The following HDAC4 variants were observed in gnomAD, a reference collection of about 807,000 sequenced individuals.
HDAC4 encodes histone deacetylase A.
In HDAC4, 16 loss-of-function variants were observed where a neutral mutation model predicts 135.1. That is an observed-to-expected ratio of 0.12 (90% CI 0.08 to 0.18). The LOEUF (loss-of-function observed/expected upper bound fraction) is 0.18. Among genes scored for constraint, HDAC4 ranks in the 10% least tolerant of loss-of-function variants. HDAC4 has a pLI of 1.00. For synonymous variants in HDAC4, 685 were observed against 653.4 expected (o/e 1.05, Z -0.74); for missense variants, 1,143 against 1,511.8 (o/e 0.76, Z 4.05).
chr2:239,064,129 C>T (rs900519644), intron 24 of HDAC4, among the ~76,000 whole-genome samples: 28 of 152,360 alleles, frequency 1.8e-4, no homozygotes, highest in Non-Finnish European at 3.7e-4. Context: ...TGACGCGCAC[C>T]GCCCTGGCTT....
chr2:239,347,725 G>A (rs1454526965), intron 2 of HDAC4, among the ~76,000 whole-genome samples: 1 of 152,144 alleles, frequency 6.6e-6, no homozygotes, highest in Non-Finnish European at 1.5e-5. Context: ...ATGCTGACCA[G>A]GCTGATCGCG....
At chr2:239,398,560 G>A (rs1023049498) in intron 1 of HDAC4, among the ~76,000 whole-genome samples, 2 of 152,230 alleles carry the variant, frequency 1.3e-5, no homozygotes, top group South Asian at 2.1e-4. Context: ...TCTTCTCAAC[G>A]AGGTCTCTGG....
intron 24 of HDAC4, among the ~76,000 whole-genome samples, chr2:239,064,446 A>G (rs887001113): frequency 1.3e-5 from 2 of 152,044 alleles, no homozygotes; most frequent in Admixed American, 1.3e-4. Context: ...CTGCAGTCCC[A>G]GGTCCCACCT....
chr2:239,365,837 C>A (rs1267015035), intron 1 of HDAC4, among the ~76,000 whole-genome samples: 1 of 141,412 alleles, frequency 7.1e-6, no homozygotes, highest in South Asian at 2.4e-4. Flanking sequence ...CACGCAGACA[C>A]GCATGCACAG....
rs186151714 is a variant in HDAC4, at chr2:239,146,125, C to T, written c.734-1411G>A. Among the ~76,000 whole-genome samples, 291 of 152,310 alleles carry T rather than the reference C, an allele frequency of 1.9e-3. 3 individuals carry two copies. Among genetic ancestry groups the T allele is most frequent in the Middle Eastern group, 0.01 (3 of 294 alleles). On this transcript the variant is annotated intron_variant, in intron 7 of 26. Transcript: ENST00000543185. This position sits in a 1 kb window ranked among gnomAD's most constrained non-coding sequence, Gnocchi z 4.5. ...AGCCGGCCTCTCCACGGGCTACTGACGAGGGCACACTTCTGTGCCTAACAC... is the reference window on the plus strand; with the variant it reads ...AGCCGGCCTCTCCACGGGCTACTGATGAGGGCACACTTCTGTGCCTAACAC...
chr2:239,158,938 A>G (rs969731241), intron 6 of HDAC4, among the ~76,000 whole-genome samples: 3 of 151,788 alleles, frequency 2.0e-5, no homozygotes, highest in Admixed American at 6.6e-5. Flanking sequence ...ACATCACACA[A>G]CTGGTAACAC....
intron 2 of HDAC4, among the ~76,000 whole-genome samples, chr2:239,337,928 G>A (rs1031294298): frequency 1.3e-5 from 2 of 152,074 alleles, no homozygotes; most frequent in Non-Finnish European, 2.9e-5. Context: ...CTATCTCTTC[G>A]GGGGCAGAAA....
intron 2 of HDAC4, among the ~76,000 whole-genome samples, chr2:239,269,302 C>T (rs1445054833): frequency 6.6e-6 from 1 of 151,864 alleles, no homozygotes; most frequent in African/African-American, 2.4e-5. Flanking sequence ...CACCCACACA[C>T]ATTCACACAC....
At position 239,372,406 on chromosome 2, in the gene HDAC4, C is replaced by T. The variant is rs191349687; in HGVS notation, c.-219-19488G>A. ...TTACCACAAGAGTAACACCACCACA[C>T]AAAGACACACACAGGTGATCTCTGT... On this transcript the variant is annotated intron_variant, in intron 1 of 26. Transcript: ENST00000543185. Among the ~76,000 whole-genome samples the T allele has an allele frequency of 3.3e-5, 5 of 152,392 alleles. No homozygotes were observed. In the East Asian group the frequency reaches 7.7e-4, roughly 24 times the overall value.
At chr2:239,266,342 G>T (rs1166671559) in intron 2 of HDAC4, among the ~76,000 whole-genome samples, 1 of 152,172 alleles carries the variant, frequency 6.6e-6, no homozygotes, top group African/African-American at 2.4e-5. Context: ...TCAATGCCCT[G>T]CACTGCAAGC....
chr2:239,085,072 A>ACACACT (rs745393565), intron 19 of HDAC4, among the ~76,000 whole-genome samples: 9,308 of 141,660 alleles, frequency 0.066, 390 homozygotes, highest in Admixed American at 0.12. Flanking sequence ...ACACACACAC[A>ACACACT]CTCTCCTGCT....
chr2:239,144,574 C>G lies in HDAC4; in HGVS notation c.865+9G>C. The G allele has an allele frequency of 6.2e-7, 1 of 1,613,312 alleles. No individual in the cohort carries two copies. ...CAGCGGGGCGGGTGTACCTGCTCAG[C>G]CGACATACCTGTGACATCCAACGGA... On this transcript the variant is annotated intron_variant, in intron 8 of 26. Transcript: ENST00000543185.
intron 1 of HDAC4, among the ~76,000 whole-genome samples, chr2:239,395,676 C>T (rs905349430): frequency 2.0e-5 from 3 of 152,090 alleles, no homozygotes; most frequent in Non-Finnish European, 4.4e-5. Flanking sequence ...CAGGAGTGGC[C>T]CGGGGACTGC....
chr2:239,085,359 C>T (rs933004429), intron 19 of HDAC4, among the ~76,000 whole-genome samples: 32 of 152,234 alleles, frequency 2.1e-4, no homozygotes, highest in Admixed American at 2.0e-3. Flanking sequence ...TCCCTTTGTC[C>T]GAATGACCAC....
chr2:239,064,948 G>T (rs779865120), intron 24 of HDAC4, among the ~76,000 whole-genome samples: 2 of 152,220 alleles, frequency 1.3e-5, no homozygotes, highest in East Asian at 3.9e-4. Flanking sequence ...AGAACAATGC[G>T]AACGATGCCT....
intron 22 of HDAC4, among the ~76,000 whole-genome samples, chr2:239,072,715 T>C (rs945473660): frequency 3.3e-5 from 5 of 152,264 alleles, no homozygotes; most frequent in Non-Finnish European, 5.9e-5. Flanking sequence ...CAGCTTTTAT[T>C]ACAAATGAAA....
chr2:239,224,798 T>C (rs2047151255), intron 3 of HDAC4, among the ~76,000 whole-genome samples: 1 of 152,236 alleles, frequency 6.6e-6, no homozygotes. Flanking sequence ...TCCACCCTCC[T>C]GAATCCCCAG....
At chr2:239,066,396 C>A (rs968241655) in intron 24 of HDAC4, among the ~76,000 whole-genome samples, 10 of 152,344 alleles carry the variant, frequency 6.6e-5, no homozygotes, top group African/African-American at 2.2e-4. Context: ...AAAAAGAAAA[C>A]CTCTGGTCAC....
chr2:239,242,564 C>T (rs2048250126), intron 2 of HDAC4, among the ~76,000 whole-genome samples: 1 of 152,202 alleles, frequency 6.6e-6, no homozygotes, highest in Non-Finnish European at 1.5e-5. Context: ...GTATTTTCTA[C>T]ATATAGAATC....
Sources: gnomAD v4.1 joint callset for allele counts (sites outside exome capture counted in the v4.1 genomes callset) on GRCh38, gnomAD v4.1.1 for gene constraint, Gnocchi (gnomAD v3.1) non-coding constraint, MANE v1.5 for transcripts, NCBI Gene and HGNC (gene_info 2026-07-23, HGNC 2026-07-21) for gene names.